Variants in STK32C observed in about 807,000 individuals in gnomAD.
STK32C encodes the protein serine/threonine-protein kinase 32C.
Under a neutral mutation model 56.5 loss-of-function variants are expected in STK32C, and 31 were observed. That is an observed-to-expected ratio of 0.55 (90% CI 0.41 to 0.74). The LOEUF (loss-of-function observed/expected upper bound fraction) is 0.74. Among genes scored for constraint, STK32C ranks in the 30% least tolerant of loss-of-function variants. The pLI is 0.00. For synonymous variants in STK32C, 309 were observed against 289.4 expected, an observed-to-expected ratio of 1.07 and a Z score of -0.69; for missense variants, 544 against 676.9, an observed-to-expected ratio of 0.80 and a Z score of 2.18.
chr10:132,216,888 C>A (rs572328978), intron 10 of STK32C, among the ~76,000 whole-genome samples: 2 of 152,356 alleles, frequency 1.3e-5, no homozygotes, highest in Admixed American at 1.3e-4. Flanking sequence ...ATGGAAACAC[C>A]TGGATGTCCA....
chr10:132,247,559 G>A (rs2063736531), intron 1 of STK32C, among the ~76,000 whole-genome samples: 1 of 152,180 alleles, frequency 6.6e-6, no homozygotes, highest in South Asian at 2.1e-4. Context: ...AGGACAAGTA[G>A]GCATCAGCTG....
At chr10:132,313,871 A>G (rs145850346) in intron 1 of STK32C, among the ~76,000 whole-genome samples, 5 of 152,340 alleles carry the variant, frequency 3.3e-5, no homozygotes, top group African/African-American at 1.2e-4. Context: ...GCTTCCTGAA[A>G]GGCTGCTGAA....
chr10:132,325,770 G>A (rs1248852682), intron 1 of STK32C, among the ~76,000 whole-genome samples: 2 of 150,502 alleles, frequency 1.3e-5, no homozygotes, highest in Admixed American at 6.6e-5. Context: ...TGCCCAGGCT[G>A]GGGTGCAGTG....
chr10:132,309,697 G>T (rs530612555), upstream of STK32C, among the ~76,000 whole-genome samples: 2 of 152,116 alleles, frequency 1.3e-5, no homozygotes, highest in Non-Finnish European at 2.9e-5. Flanking sequence ...AGTGGTGAAG[G>T]AGCGTTTGGA....
intron 10 of STK32C, among the ~76,000 whole-genome samples, chr10:132,220,444 C>G (rs1250575235): frequency 6.6e-6 from 1 of 152,206 alleles, no homozygotes. Context: ...TAAAAGGGAG[C>G]CTGTTGATGC....
At position 132,252,780 on chromosome 10, in the gene STK32C, C is replaced by T. The variant is rs1316647147; in HGVS notation, c.263-6825G>A. On this transcript the variant is annotated intron_variant, in intron 1 of 11. Coordinates refer to ENST00000298630, the MANE Select transcript of STK32C (RefSeq NM_173575.4). ...CAGGGTCTTTAAAATATTTATTCTT[C>T]AAGGAAGGCTTTTATTTTTTTGGTG... is the stretch of plus-strand genomic sequence containing the variant. Among the ~76,000 whole-genome samples, 3 of 152,232 alleles carry T rather than the reference C, an allele frequency of 2.0e-5. 1 individual carries two copies. Among genetic ancestry groups the T allele is most frequent in the Admixed American group, 2.0e-4 (3 of 15,286 alleles).
At chr10:132,331,865 G>A (rs770544708), upstream of STK32C, 16 of 1,352,986 alleles carry the variant, frequency 1.2e-5, no homozygotes, top group South Asian at 2.2e-4. Flanking sequence ...CGTTGGCCGC[G>A]TGCGTGCGCA....
Position 132,226,920 on chromosome 10 carries a change from T to C in STK32C, c.519A>G (p.Leu173=). ...EEDMFMVVDL[L]LGGDLRYHLQ... ...GGTGGTAGCGCAGGTCCCCGCCCAGTAGCAGGTCCACGACCATGAACATGT... is the reference window on the plus strand; with the variant it reads ...GGTGGTAGCGCAGGTCCCCGCCCAGCAGCAGGTCCACGACCATGAACATGT... The change falls in exon 4 of 12, where the codon CTA becomes CTG. Residue 173 remains leucine (L), a synonymous_variant. Transcript: ENST00000298630. The C allele has an allele frequency of 6.2e-7, 1 of 1,613,392 alleles. No individual in the cohort carries two copies. Among genetic ancestry groups the C allele is most frequent in the South Asian group, 1.1e-5 (1 of 91,090 alleles).
chr10:132,305,771 C>T (rs753604678), intron 1 of STK32C, among the ~76,000 whole-genome samples: 2 of 152,190 alleles, frequency 1.3e-5, no homozygotes, highest in Admixed American at 6.5e-5. Context: ...CAGGAAGAAG[C>T]GGAGGGAAGC....
chr10:132,230,681 G>T lies in STK32C; in HGVS notation c.319-2553C>A, dbSNP rs1338531755. Among the ~76,000 whole-genome samples the T allele has an allele frequency of 2.0e-5, 2 of 101,214 alleles. 1 individual carries two copies. The highest frequency in any genetic ancestry group is 4.0e-5 in the Non-Finnish European group (2 of 49,976). The allele number at this position is 101,214 out of a possible 152,430, so 66.4% of individuals were successfully genotyped here. A position where few individuals can be genotyped will look rare whatever the true frequency, so the allele number is the denominator to read the frequency against. Reference sequence around the variant, plus strand: ...CTTGCTGCTGGGGGGGAAGCTGGCGGGGGGGGGGGGGCTGCAGAGCCCACC... The same window carrying T: ...CTTGCTGCTGGGGGGGAAGCTGGCGTGGGGGGGGGGGCTGCAGAGCCCACC... On this transcript the variant is annotated intron_variant, in intron 2 of 11. Coordinates refer to ENST00000298630, the MANE Select transcript of STK32C (RefSeq NM_173575.4).
chr10:132,267,238 G>A (rs2064572185), intron 1 of STK32C, among the ~76,000 whole-genome samples: 1 of 152,230 alleles, frequency 6.6e-6, no homozygotes, highest in Admixed American at 6.5e-5. Context: ...GTCTCCTTTT[G>A]GGGTCCCTTG....
chr10:132,306,616 C>G (rs1263030073), intron 1 of STK32C, among the ~76,000 whole-genome samples: 3 of 152,260 alleles, frequency 2.0e-5, no homozygotes, highest in African/African-American at 7.2e-5. Flanking sequence ...TAGCCTGGCT[C>G]CTGAGCGCTG....
intron 1 of STK32C, among the ~76,000 whole-genome samples, chr10:132,261,595 T>C (rs2064309840): frequency 6.6e-6 from 1 of 152,064 alleles, no homozygotes; most frequent in African/African-American, 2.4e-5. Flanking sequence ...TAAAACCCTG[T>C]CTCTATTAAA....
intron 1 of STK32C, chr10:132,306,848 G>A (rs562790374): frequency 2.6e-4 from 40 of 152,360 alleles, no homozygotes; most frequent in African/African-American, 9.1e-4. Flanking sequence ...CCCTGCAGGT[G>A]ATAATTCGGG....
At chr10:132,275,628 CCAGGG>C (rs1401353495) in intron 1 of STK32C, among the ~76,000 whole-genome samples, 29 of 152,318 alleles carry the variant, frequency 1.9e-4, no homozygotes, top group African/African-American at 6.3e-4. Context: ...GGGCCAGTGG[CCAGGG>C]GCCAGCGCAG....
Position 132,331,800 on chromosome 10 carries a change from T to C in STK32C, c.-64A>G, listed in dbSNP as rs774886587. On this transcript the variant is annotated 5_prime_UTR_variant, in exon 1 of 2. Coordinates refer to the STK32C transcript ENST00000368619. ...CCCTCCAGACCCTCGCGGTCTCTAC[T>C]TGCCCGTCGACCACCACCCCTTCAA... The C allele has an allele frequency of 1.0e-5, 16 of 1,598,222 alleles. No individual in the cohort carries two copies. The East Asian group carries it at 2.2e-4, about 22-fold the overall frequency.
intron 1 of STK32C, among the ~76,000 whole-genome samples, chr10:132,263,358 A>G (rs935021740): frequency 1.3e-5 from 2 of 152,080 alleles, no homozygotes; most frequent in Admixed American, 6.6e-5. Flanking sequence ...TCAATACCAC[A>G]TGTCCTCATG....
At chr10:132,305,929 C>T (rs1022896355) in intron 1 of STK32C, among the ~76,000 whole-genome samples, 3 of 152,208 alleles carry the variant, frequency 2.0e-5, no homozygotes, top group African/African-American at 4.8e-5. Context: ...CAGCAGCATC[C>T]GTGGGACACC....
intron 2 of STK32C, among the ~76,000 whole-genome samples, chr10:132,232,776 G>T (rs1037144281): frequency 6.6e-6 from 1 of 150,822 alleles, no homozygotes. Flanking sequence ...CGCCACTGAC[G>T]GGGAGGCCAC....
Sources: allele counts gnomAD v4.1 joint callset (sites outside exome capture counted in the v4.1 genomes callset), GRCh38; gene constraint gnomAD v4.1.1; transcripts MANE v1.5; gene names NCBI Gene and HGNC (gene_info 2026-07-23, HGNC 2026-07-21).